The following HPN variants were observed in gnomAD, a reference collection of about 807,000 sequenced individuals.
HPN encodes serine protease hepsin.
In HPN, 13 loss-of-function variants were observed where a neutral mutation model predicts 55.9. The ratio of observed to expected loss-of-function variants is 0.23; its 90% CI spans 0.15 to 0.37. The LOEUF is 0.37. Ranked by LOEUF, HPN falls within the 10% of genes least tolerant of loss-of-function variation. HPN has a pLI of 1.00. For synonymous variants in HPN, 225 were observed against 240.3 expected (o/e 0.94, Z 0.59); for missense variants, 451 against 575.8 (o/e 0.78, Z 2.22).
At chr19:35,050,787 A>G (rs892091431) in intron 4 of HPN, among the ~76,000 whole-genome samples, 1 of 152,104 alleles carries the variant, frequency 6.6e-6, no homozygotes, top group Non-Finnish European at 1.5e-5. Context: ...AACATTAATC[A>G]TCATTACCAG....
intron 4 of HPN, among the ~76,000 whole-genome samples, chr19:35,056,272 T>G (rs1294778770): frequency 6.6e-6 from 1 of 152,240 alleles, no homozygotes; most frequent in Non-Finnish European, 1.5e-5. Flanking sequence ...CTTCCTATCT[T>G]GTGACACATA....
At position 35,066,528 on chromosome 19, in the gene HPN, C is replaced by T; in HGVS notation, c.*241C>T. On this transcript the variant is annotated 3_prime_UTR_variant, in exon 13 of 13. Coordinates refer to ENST00000672452, the MANE Select transcript of HPN (RefSeq NM_001384133.1). Reference sequence around the variant, plus strand: ...TGTCTGGGACTCCTGTCTAGGTGCCCCTGATGACGGGATGCTCTTTAAATA... The same window carrying T: ...TGTCTGGGACTCCTGTCTAGGTGCCTCTGATGACGGGATGCTCTTTAAATA... The T allele has an allele frequency of 3.6e-6, 2 of 559,570 alleles. No individual in the cohort carries two copies. Among genetic ancestry groups the T allele is most frequent in the Non-Finnish European group, 6.3e-6 (2 of 316,996 alleles). 34.7% of individuals were successfully genotyped at this position (559,570 alleles called of 1,614,324 possible).
intron 9 of HPN, among the ~76,000 whole-genome samples, chr19:35,063,664 G>T (rs866006561): frequency 3.3e-5 from 5 of 152,152 alleles, no homozygotes; most frequent in African/African-American, 1.2e-4. Flanking sequence ...AGCCAAGATC[G>T]TTGCCACACC....
At chr19:35,065,501 C>A in intron 10 of HPN, 38 bp from the exon 11 acceptor site, 1 of 1,606,794 alleles carries the variant, frequency 6.2e-7, no homozygotes, top group South Asian at 1.1e-5. Flanking sequence ...GGTGTGTACA[C>A]CCCCCAGCTC....
chr19:35,055,915 C>T lies in HPN; in HGVS notation c.161-3758C>T, dbSNP rs180953265. Among the ~76,000 whole-genome samples the T allele has an allele frequency of 1.1e-4, 16 of 152,262 alleles. No homozygotes were observed. The East Asian group carries it at 3.1e-3, about 29-fold the overall frequency. ...CACCTGAGTCAGGTCAGGGCCCTCCCCTGGCTGCACCTCACACCAGGTGCC... is the reference window on the plus strand; with the variant it reads ...CACCTGAGTCAGGTCAGGGCCCTCCTCTGGCTGCACCTCACACCAGGTGCC... On this transcript the variant is annotated intron_variant, in intron 4 of 12. Transcript: ENST00000672452.
At chr19:35,041,076 C>T (rs1323801558), upstream of HPN, among the ~76,000 whole-genome samples, 2 of 152,216 alleles carry the variant, frequency 1.3e-5, no homozygotes, top group Non-Finnish European at 2.9e-5. Context: ...TATCTGCCTG[C>T]GGACGCTTCC....
intron 1 of HPN, 186 bp downstream of exon 1, chr19:35,042,058 AC>A: frequency 8.8e-7 from 1 of 1,133,140 alleles, no homozygotes; most frequent in Non-Finnish European, 1.1e-6. Flanking sequence ...CAGCCGTTGG[AC>A]CCCAGTCCTT....
chr19:35,050,654 G>A, intron 4 of HPN: 1 of 534,296 alleles, frequency 1.9e-6, no homozygotes, highest in South Asian at 2.0e-5. Flanking sequence ...AGGACAGCAG[G>A]AAAAAAGGGG....
intron 7 of HPN, 27 bp from the exon 8 acceptor site, chr19:35,060,320 C>CA (rs771355146): frequency 6.2e-7 from 1 of 1,602,796 alleles, no homozygotes; most frequent in Non-Finnish European, 8.5e-7. Flanking sequence ...CCCCTGTCGC[C>CA]GCCCCCTGCT....
chr19:35,048,063 A>G (rs1600380605), intron 2 of HPN, among the ~76,000 whole-genome samples: 3 of 52,564 alleles, frequency 5.7e-5, no homozygotes, highest in African/African-American at 3.3e-4. Context: ...AAAGAAAGAA[A>G]GAAAGAAAGA....
Position 35,041,830 on chromosome 19 carries a change from C to A in HPN, c.-97C>A. The A allele has an allele frequency of 7.4e-7, 1 of 1,342,798 alleles. No homozygotes were observed. The highest frequency in any genetic ancestry group is 1.2e-5 in the South Asian group (1 of 86,564). 83.2% of individuals were successfully genotyped at this position (1,342,798 alleles called of 1,614,324 possible). On this transcript the variant is annotated 5_prime_UTR_variant, in exon 1 of 13. Transcript: ENST00000672452. Reference sequence around the variant, plus strand: ...CCAGGCCTGGAGACTGACCCGACCCCGGCACTACCTCGAGGCTCCGCCCCC... The same window carrying A: ...CCAGGCCTGGAGACTGACCCGACCCAGGCACTACCTCGAGGCTCCGCCCCC...
intron 2 of HPN, among the ~76,000 whole-genome samples, chr19:35,048,027 A>AG (rs2064359829): frequency 5.6e-5 from 3 of 53,402 alleles, no homozygotes; most frequent in Non-Finnish European, 7.8e-5. Context: ...AGAGAGAGAG[A>AG]AAAAGAAAGA....
intron 4 of HPN, among the ~76,000 whole-genome samples, chr19:35,054,721 G>A (rs760506810): frequency 6.6e-6 from 1 of 152,172 alleles, no homozygotes; most frequent in Non-Finnish European, 1.5e-5. Context: ...CTGAGCCTCA[G>A]CTTCCCCGTC....
chr19:35,041,696 C>T, upstream of HPN: 1 of 1,125,230 alleles, frequency 8.9e-7, no homozygotes, highest in Non-Finnish European at 1.1e-6. Flanking sequence ...CTTCACCCGC[C>T]CCTCGCCCAG....
At chr19:35,050,836 C>T (rs1007374181) in intron 4 of HPN, among the ~76,000 whole-genome samples, 4 of 151,484 alleles carry the variant, frequency 2.6e-5, no homozygotes, top group African/African-American at 7.3e-5. Context: ...GCCTTGGGAC[C>T]TTATGATATC....
At position 35,059,606 on chromosome 19, in the gene HPN, G is replaced by T. The variant is rs1329735567; in HGVS notation, c.161-67G>T. On this transcript the variant is annotated intron_variant, in intron 4 of 12. Coordinates refer to ENST00000672452, the MANE Select transcript of HPN (RefSeq NM_001384133.1). ...TGGAGCACAGGCCAGGAGGGGCTCC[G>T]GCTGGGGAAGCATGTGGGGAGCCTG... 1.9e-6 allele frequency: 3 copies of T among 1,543,980 alleles called. No homozygotes were observed. The Admixed American group carries it at 5.8e-5, about 30-fold the overall frequency.
upstream of HPN, chr19:35,041,688 T>TCCCCCCCCCCCCCCCCCCCCCCC: frequency 1.6e-6 from 1 of 638,114 alleles, no homozygotes; most frequent in Non-Finnish European, 2.0e-6. Flanking sequence ...CCCCGCCCCT[T>TCCCCCCCCCCCCCCCCCCCCCCC]CACCCGCCCC....
At chr19:35,055,370 C>T (rs2064444451) in intron 4 of HPN, among the ~76,000 whole-genome samples, 1 of 150,116 alleles carries the variant, frequency 6.7e-6, no homozygotes, top group East Asian at 2.0e-4. Flanking sequence ...GCACTCCAGC[C>T]TGGGTGGTGG....
chr19:35,064,133 C>T (rs1490966000), intron 9 of HPN, among the ~76,000 whole-genome samples: 2 of 137,732 alleles, frequency 1.5e-5, no homozygotes, highest in African/African-American at 5.3e-5. Context: ...CTCTAAGACT[C>T]AGGCAGGTGA....
Sources: allele counts gnomAD v4.1 joint callset (sites outside exome capture counted in the v4.1 genomes callset), GRCh38; gene constraint gnomAD v4.1.1; transcripts MANE v1.5; gene names NCBI Gene and HGNC (gene_info 2026-07-23, HGNC 2026-07-21).